Variants in PCCA observed in about 807,000 individuals in gnomAD.
PCCA encodes propionyl-CoA carboxylase subunit alpha.
PCCA carries 74 observed loss-of-function variants against 101.3 expected under a neutral mutation model. The ratio of observed to expected loss-of-function variants is 0.73; its 90% confidence interval spans 0.61 to 0.89. PCCA has a LOEUF of 0.89. PCCA is among the 40% of genes least tolerant of loss of function. The pLI is 0.00. For synonymous variants in PCCA, 294 were observed against 313.6 expected, an observed-to-expected ratio of 0.94 and a Z score of 0.66; for missense variants, 891 against 907.0, an observed-to-expected ratio of 0.98 and a Z score of 0.23.
intron 4 of PCCA, among the ~76,000 whole-genome samples, chr13:100,120,157 C>T (rs1189726895): frequency 6.6e-6 from 1 of 151,568 alleles, no homozygotes; most frequent in Non-Finnish European, 1.5e-5. Flanking sequence ...GCCACCATGC[C>T]CAGCCAGATT....
intron 5 of PCCA, among the ~76,000 whole-genome samples, chr13:100,155,661 AGT>A (rs2053806495): frequency 1.3e-5 from 2 of 152,200 alleles, no homozygotes; most frequent in African/African-American, 4.8e-5. Flanking sequence ...TATCAGAAAC[AGT>A]GTTTTTTCTT....
chr13:100,219,016 G>A (rs2059670955), intron 7 of PCCA, among the ~76,000 whole-genome samples: 2 of 152,146 alleles, frequency 1.3e-5, no homozygotes, highest in African/African-American at 4.8e-5. Context: ...ACCTGAAAGA[G>A]CTTGGCAGCA....
intron 19 of PCCA, among the ~76,000 whole-genome samples, chr13:100,391,658 C>A (rs184252725): frequency 6.6e-6 from 1 of 152,086 alleles, no homozygotes; most frequent in Admixed American, 6.5e-5. Flanking sequence ...CTATGGGTTT[C>A]GATTTTATTG....
At position 100,259,405 on chromosome 13, in the gene PCCA, G is replaced by A. The variant is rs189758456; in HGVS notation, c.716+1732G>A. On this transcript the variant is annotated intron_variant, in intron 9 of 23. Transcript: ENST00000376285. Reference sequence around the variant, plus strand: ...GCTGGAGTGAAGTAGCACGATCTTGGCTCACTGCAATATCCGCCTCCTGGG... The same window carrying A: ...GCTGGAGTGAAGTAGCACGATCTTGACTCACTGCAATATCCGCCTCCTGGG... Among the ~76,000 whole-genome samples the A allele has an allele frequency of 3.5e-4, 50 of 144,038 alleles. No individual in the cohort carries two copies. The Admixed American group carries it at 3.6e-3, about 10-fold the overall frequency. 94.5% of individuals were successfully genotyped at this position (144,038 alleles called of 152,430 possible).
chr13:100,226,620 T>G (rs923331753), intron 7 of PCCA, among the ~76,000 whole-genome samples: 1 of 152,214 alleles, frequency 6.6e-6, no homozygotes. Flanking sequence ...TCTGATCCAG[T>G]GCATTATAAG....
chr13:100,179,091 AATATAT>A (rs565171827), intron 6 of PCCA, among the ~76,000 whole-genome samples: 6 of 110,528 alleles, frequency 5.4e-5, no homozygotes, highest in East Asian at 3.7e-4. Context: ...AAAAAAAAAA[AATATAT>A]ATATATATAT....
intron 10 of PCCA, among the ~76,000 whole-genome samples, chr13:100,264,018 ATCTGTATATCGTATATATACG>A: frequency 1.3e-5 from 2 of 148,898 alleles, no homozygotes; most frequent in South Asian, 2.1e-4. Context: ...TATATACGGT[ATCTGTATATCGTATATATACG>A]GTATCTGTAT....
At chr13:100,133,585 T>G (rs951709851) in intron 4 of PCCA, among the ~76,000 whole-genome samples, 1 of 152,230 alleles carries the variant, frequency 6.6e-6, no homozygotes, top group Non-Finnish European at 1.5e-5. Context: ...TTTTTTTGTT[T>G]TTTGTTTTTT....
intron 7 of PCCA, among the ~76,000 whole-genome samples, chr13:100,230,806 G>A (rs144909863): frequency 2.6e-5 from 4 of 152,202 alleles, no homozygotes; most frequent in African/African-American, 9.7e-5. Flanking sequence ...AAGGGTTTCT[G>A]TCCTTATGGA....
At chr13:100,351,819 T>C (rs1232952722) in intron 18 of PCCA, among the ~76,000 whole-genome samples, 1 of 152,174 alleles carries the variant, frequency 6.6e-6, no homozygotes, top group Non-Finnish European at 1.5e-5. Context: ...TTTACAGAAC[T>C]ACCTAGTCAT....
intron 21 of PCCA, among the ~76,000 whole-genome samples, chr13:100,493,514 G>A (rs1027201480): frequency 2.0e-5 from 3 of 152,132 alleles, no homozygotes; most frequent in African/African-American, 4.8e-5. Context: ...GATGCAGCTC[G>A]GTTCTTAGGG....
intron 4 of PCCA, among the ~76,000 whole-genome samples, chr13:100,142,997 G>C (rs1159407738): frequency 6.6e-6 from 1 of 152,140 alleles, no homozygotes; most frequent in Non-Finnish European, 1.5e-5. Context: ...CACATTTTGG[G>C]CTCTGATTCT....
At chr13:100,114,957 A>G (rs2048665969) in intron 4 of PCCA, among the ~76,000 whole-genome samples, 1 of 152,206 alleles carries the variant, frequency 6.6e-6, no homozygotes, top group African/African-American at 2.4e-5. Context: ...AAATCAGTAT[A>G]TGGAGGAGAT....
chr13:100,511,527 C>T (rs1015493861), intron 21 of PCCA, among the ~76,000 whole-genome samples: 1 of 152,198 alleles, frequency 6.6e-6, no homozygotes, highest in African/African-American at 2.4e-5. Flanking sequence ...GATTTACAGT[C>T]AAAGATAGCA....
At chr13:100,353,052 G>T (rs1461987719) in intron 18 of PCCA, among the ~76,000 whole-genome samples, 3 of 152,042 alleles carry the variant, frequency 2.0e-5, no homozygotes, top group Non-Finnish European at 1.5e-5. Flanking sequence ...GAGACAGAGG[G>T]GTATTTTATA....
intron 4 of PCCA, chr13:100,150,867 T>C (rs764462357): frequency 1.2e-4 from 194 of 1,572,422 alleles, no homozygotes; most frequent in Non-Finnish European, 1.5e-4. Context: ...GTTGCACCCT[T>C]AGGAACTGGG....
chr13:100,280,248 A>T, intron 12 of PCCA, among the ~76,000 whole-genome samples: 1 of 150,736 alleles, frequency 6.6e-6, no homozygotes, highest in African/African-American at 2.4e-5. Context: ...TTTTTAAGTC[A>T]CTGGTTTTCT....
At position 100,516,762 on chromosome 13, in the gene PCCA, A is replaced by AGTGTG. The variant is rs1382893777; in HGVS notation, c.2040+1195_2040+1196insGTGTG. On this transcript the variant is annotated intron_variant, in intron 22 of 23. Transcript: ENST00000376285. ...GTGTGTGTGTGTGTGTGTGTGTGTAATGTGTGTAAAATTCAGGGGAGGACA... is the reference window on the plus strand; with the variant it reads ...GTGTGTGTGTGTGTGTGTGTGTGTAAGTGTGTGTGTGTAAAATTCAGGGGAGGACA... Among the ~76,000 whole-genome samples the AGTGTG allele has an allele frequency of 3.8e-3, 418 of 109,224 alleles. 3 individuals are homozygous for AGTGTG. Among genetic ancestry groups the AGTGTG allele is most frequent in the African/African-American group, 0.014 (380 of 27,520 alleles). 71.7% of individuals were successfully genotyped at this position (109,224 alleles called of 152,430 possible). A position where few individuals can be genotyped will look rare whatever the true frequency, so the allele number is the denominator to read the frequency against.
rs138705350 is a variant in PCCA, at chr13:100,263,871, G to A, written c.819+1040G>A. Among the ~76,000 whole-genome samples, 550 of 142,092 alleles carry A rather than the reference G, an allele frequency of 3.9e-3. 3 individuals are homozygous for A. The highest frequency in any genetic ancestry group is 0.014 in the African/African-American group (523 of 38,514). 93.2% of individuals were successfully genotyped at this position (142,092 alleles called of 152,430 possible). ...TATATATATATGGTATCTGTATATCGTATATATATGGTATCTGTATGTCAT... is the reference window on the plus strand; with the variant it reads ...TATATATATATGGTATCTGTATATCATATATATATGGTATCTGTATGTCAT... On this transcript the variant is annotated intron_variant, in intron 10 of 23. Transcript: ENST00000376285.
Sources: allele counts gnomAD v4.1 joint callset (sites outside exome capture counted in the v4.1 genomes callset), GRCh38; gene constraint gnomAD v4.1.1; transcripts MANE v1.5; gene names NCBI Gene and HGNC (gene_info 2026-07-23, HGNC 2026-07-21).